SLC35E1: variants seen among roughly 807,000 people sequenced by gnomAD.
SLC35E1 encodes the protein solute carrier family 35 member E1, also known as solute carrier family 35, member E1.
Under a neutral mutation model 31.0 loss-of-function variants are expected in SLC35E1, and 12 were observed. That is an observed-to-expected ratio of 0.39 (90% confidence interval 0.25 to 0.63). SLC35E1 has a LOEUF of 0.63. Ranked by LOEUF, SLC35E1 falls within the 20% of genes least tolerant of loss-of-function variation. The pLI is 0.52. For missense variants in SLC35E1, 429 were observed against 572.2 expected (o/e 0.75, Z 2.55); for synonymous variants, 257 against 264.1 (o/e 0.97, Z 0.26).
Position 16,572,086 on chromosome 19 carries a change from G to C in SLC35E1, c.279C>G (p.Pro93=). Residue 93 remains proline (P), a synonymous_variant, in exon 1 of 6, where the codon CCC becomes CCG. Transcript: ENST00000595753. The surrounding 1 kb of genome is among the most constrained non-coding windows in gnomAD (Gnocchi z 4.1). ...PPAPPVSGPG[P]SPHPSSGPLL... The stretch of plus-strand genomic sequence containing the variant: ...GCGGGCCGGACGACGGATGCGGACT[G>C]GGTCCGGGGCCCGAGACGGGCGGCG... The C allele has an allele frequency of 6.5e-7, 1 of 1,533,290 alleles. No individual in the cohort carries two copies. The highest frequency in any genetic ancestry group is 8.8e-7 in the Non-Finnish European group (1 of 1,139,934). 95.0% of individuals were successfully genotyped at this position (1,533,290 alleles called of 1,614,324 possible).
intron 4 of SLC35E1, among the ~76,000 whole-genome samples, chr19:16,557,713 G>C (rs533741922): frequency 6.6e-6 from 1 of 152,352 alleles, no homozygotes; most frequent in African/African-American, 2.4e-5. Flanking sequence ...CACTCAGTGT[G>C]GCAACTCTGC....
Position 16,550,753 on chromosome 19 carries a change from G to C in SLC35E1, c.*2926C>G, listed in dbSNP as rs1370201724. ...TCTTGGCAGGGGGCGGGGGGATGTG[G>C]ACCTTCAAGTCTCAGAAATATGTGT... is the stretch of plus-strand genomic sequence containing the variant. On this transcript the variant is annotated 3_prime_UTR_variant, in exon 6 of 6. Coordinates refer to ENST00000595753, the MANE Select transcript of SLC35E1 (RefSeq NM_024881.5). 6.6e-6 allele frequency: 1 copy of C among 152,178 alleles called. No homozygotes were observed. 9.4% of individuals were successfully genotyped at this position (152,178 alleles called of 1,614,324 possible).
At position 16,566,809 on chromosome 19, in the gene SLC35E1, C is replaced by T; in HGVS notation, c.631-152G>A. ...GCAAGTGCATTTGTGAGGACATACA[C>T]AGCACAGGCCTGAAACAAGCACCAT... On this transcript the variant is annotated intron_variant, in intron 3 of 5. Transcript: ENST00000595753. 4.5e-6 allele frequency: 4 copies of T among 893,252 alleles called. No homozygotes were observed. In the East Asian group the frequency reaches 7.7e-5, roughly 17 times the overall value. 55.3% of individuals were successfully genotyped at this position (893,252 alleles called of 1,614,324 possible).
intron 4 of SLC35E1, among the ~76,000 whole-genome samples, chr19:16,560,940 G>A (rs1279456421): frequency 1.4e-5 from 2 of 140,118 alleles, no homozygotes; most frequent in African/African-American, 5.3e-5. Context: ...GGTGGCTCAC[G>A]CCTGTAATCC....
Position 16,553,690 on chromosome 19 carries a change from A to G in SLC35E1, c.1222T>C (p.Tyr408His), listed in dbSNP as rs1466761433. Residue 408 changes from tyrosine to histidine, a missense_variant, in exon 6 of 6, where the codon TAT becomes CAT. Physicochemically the swap from Tyr to His is moderately conservative, Grantham distance 83. Coordinates refer to ENST00000595753, the MANE Select transcript of SLC35E1 (RefSeq NM_024881.5). ...SYPNSYSLNR[Y>H]DV ...CTGTCCTTTGGACTCTACACATCAT[A>G]GCGGTTCAAACTGTACGAGTTTGGG... 4 of 1,560,986 alleles carry G rather than the reference A, an allele frequency of 2.6e-6. No individual in the cohort carries two copies. The highest frequency in any genetic ancestry group is 2.3e-5 in the East Asian group (1 of 44,070).
rs141700137 is a variant in SLC35E1 at position 16,571,410 on chromosome 19, G to A, written c.492+102C>T. 358 of 1,246,572 alleles carry A rather than the reference G, an allele frequency of 2.9e-4. No individual in the cohort carries two copies. In the African/African-American group the frequency reaches 4.4e-3, roughly 15 times the overall value. 77.2% of individuals were successfully genotyped at this position (1,246,572 alleles called of 1,614,324 possible). A position where few individuals can be genotyped will look rare whatever the true frequency, so the allele number is the denominator to read the frequency against. On this transcript the variant is annotated intron_variant, in intron 2 of 5. Transcript: ENST00000595753. ...CACTGACTTCCCTATTTGACGGGAAGCCAGGCAGCCTGCAGACCAGGATCC... is the reference window on the plus strand; with the variant it reads ...CACTGACTTCCCTATTTGACGGGAAACCAGGCAGCCTGCAGACCAGGATCC...
At chr19:16,564,963 G>A in intron 4 of SLC35E1, 2 of 348,792 alleles carry the variant, frequency 5.7e-6, no homozygotes, top group Non-Finnish European at 1.2e-5. Context: ...ACTTCAGCAG[G>A]TGGAGCCAAG....
At chr19:16,558,819 G>A (rs917185067) in intron 4 of SLC35E1, among the ~76,000 whole-genome samples, 7 of 149,082 alleles carry the variant, frequency 4.7e-5, no homozygotes, top group Non-Finnish European at 7.4e-5. Flanking sequence ...GCCCAGGCTG[G>A]AGTGCAACAG....
At position 16,555,501 on chromosome 19, in the gene SLC35E1, T is replaced by G; in HGVS notation, c.757-104A>C. ...AGGGGAAGGGATGTGGAGGGGCTCA[T>G]CTGGAGCCTCATGGTCCACAGGCAG... On this transcript the variant is annotated intron_variant, in intron 4 of 5. Coordinates refer to ENST00000595753, the MANE Select transcript of SLC35E1 (RefSeq NM_024881.5). This position sits in a 1 kb window ranked among gnomAD's most constrained non-coding sequence, Gnocchi z 4.1. 6.8e-7 allele frequency: 1 copy of G among 1,471,314 alleles called. No individual in the cohort carries two copies. The highest frequency in any genetic ancestry group is 2.5e-4 in the Middle Eastern group (1 of 4,036). The allele number at this position is 1,471,314 out of a possible 1,614,324, so 91.1% of individuals were successfully genotyped here.
At chr19:16,571,821 G>A in intron 1 of SLC35E1, 123 bp downstream of exon 1, 1 of 1,113,892 alleles carries the variant, frequency 9.0e-7, no homozygotes, top group Non-Finnish European at 1.3e-6. Flanking sequence ...CAAACCCTTG[G>A]CAGCCCCTCT....
chr19:16,563,146 C>G (rs2085915446), intron 4 of SLC35E1, among the ~76,000 whole-genome samples: 2 of 151,896 alleles, frequency 1.3e-5, no homozygotes, highest in African/African-American at 4.8e-5. Context: ...AATGGAGAAA[C>G]CCCACCTCTA....
chr19:16,555,059 C>T lies in SLC35E1; in HGVS notation c.1002+93G>A. Reference sequence around the variant, plus strand: ...AGTGGCAAAGCTCTGACATACAACCCCAGCCTTGAGCGCCCGGGAGGCCCT... The same window carrying T: ...AGTGGCAAAGCTCTGACATACAACCTCAGCCTTGAGCGCCCGGGAGGCCCT... On this transcript the variant is annotated intron_variant, in intron 5 of 5. Transcript: ENST00000595753. The surrounding 1 kb of genome is among the most constrained non-coding windows in gnomAD (Gnocchi z 4.1). 3 of 1,548,094 alleles carry T rather than the reference C, an allele frequency of 1.9e-6. No individual in the cohort carries two copies. The highest frequency in any genetic ancestry group is 2.6e-6 in the Non-Finnish European group (3 of 1,148,050).
chr19:16,571,315 A>G (rs570029144), intron 2 of SLC35E1, among the ~76,000 whole-genome samples, 197 bp downstream of exon 2: 2 of 152,286 alleles, frequency 1.3e-5, no homozygotes, highest in African/African-American at 4.8e-5. Context: ...AGAGGGACAC[A>G]TACTCCACAC....
intron 4 of SLC35E1, among the ~76,000 whole-genome samples, chr19:16,558,769 GT>G (rs560656652): frequency 0.038 from 4,971 of 130,878 alleles, 110 homozygotes; most frequent in African/African-American, 0.091. Flanking sequence ...CATCCCTTGA[GT>G]TTTTTTTTTT....
intron 2 of SLC35E1, among the ~76,000 whole-genome samples, chr19:16,570,227 T>C (rs1225971483): frequency 6.6e-6 from 1 of 152,118 alleles, no homozygotes; most frequent in African/African-American, 2.4e-5. Flanking sequence ...GTGATGCAGC[T>C]ACACACCTCA....
At chr19:16,568,743 G>C (rs2085943997) in intron 2 of SLC35E1, among the ~76,000 whole-genome samples, 1 of 152,154 alleles carries the variant, frequency 6.6e-6, no homozygotes. Context: ...ATGTTAGCCA[G>C]GCTAGTCTTG....
intron 4 of SLC35E1, among the ~76,000 whole-genome samples, chr19:16,562,837 T>C (rs999697104): frequency 6.6e-6 from 1 of 152,160 alleles, no homozygotes; most frequent in Non-Finnish European, 1.5e-5. Context: ...GGCTCCCAAG[T>C]AGCTCGGACT....
intron 4 of SLC35E1, among the ~76,000 whole-genome samples, chr19:16,561,971 T>C (rs570962330): frequency 7.2e-5 from 11 of 152,058 alleles, no homozygotes; most frequent in Middle Eastern, 6.8e-3. Context: ...GAGGATGGCT[T>C]AAGGCCAGGA....
At position 16,555,128 on chromosome 19, in the gene SLC35E1, C is replaced by G; in HGVS notation, c.1002+24G>C. 2.5e-6 allele frequency: 4 copies of G among 1,612,968 alleles called. No individual in the cohort carries two copies. Among genetic ancestry groups the G allele is most frequent in the Non-Finnish European group, 3.4e-6 (4 of 1,179,268 alleles). On this transcript the variant is annotated intron_variant, in intron 5 of 5. Coordinates refer to ENST00000595753, the MANE Select transcript of SLC35E1 (RefSeq NM_024881.5). This position sits in a 1 kb window ranked among gnomAD's most constrained non-coding sequence, Gnocchi z 4.1. ...GGTGTTGGGGGGCCGGCTTCCTTCC[C>G]TGCCCAGCCTCTCAGACTCTCACCT... is the stretch of plus-strand genomic sequence containing the variant.
Sources: gnomAD v4.1 joint callset for allele counts (sites outside exome capture counted in the v4.1 genomes callset) on GRCh38, gnomAD v4.1.1 for gene constraint, Gnocchi (gnomAD v3.1) non-coding constraint, MANE v1.5 for transcripts, NCBI Gene and HGNC (gene_info 2026-07-23, HGNC 2026-07-21) for gene names.